The following TRRAP variants were observed in gnomAD, a reference collection of about 807,000 sequenced individuals.
TRRAP encodes transformation/transcription domain-associated protein.
TRRAP carries 41 observed loss-of-function variants against 438.8 expected under a neutral mutation model. The ratio of observed to expected loss-of-function variants is 0.09; its 90% confidence interval spans 0.07 to 0.12. The LOEUF (loss-of-function observed/expected upper bound fraction) is 0.12, where lower values mean the gene tolerates loss of function less well. TRRAP is among the 10% of genes least tolerant of loss of function. TRRAP has a pLI of 1.00. For synonymous variants in TRRAP, 1,994 were observed against 1,962.9 expected, an observed-to-expected ratio of 1.02 and a Z score of -0.42; for missense variants, 3,122 against 5,055.1, an observed-to-expected ratio of 0.62 and a Z score of 11.60.
chr7:99,009,957 G>A (rs1267112519), intron 70 of TRRAP, among the ~76,000 whole-genome samples: 2 of 145,998 alleles, frequency 1.4e-5, no homozygotes, highest in Admixed American at 1.4e-4. Flanking sequence ...GCGCGATCTC[G>A]GCTCACCGCA....
chr7:99,001,391 G>A (rs184293733), intron 67 of TRRAP, among the ~76,000 whole-genome samples: 4 of 152,238 alleles, frequency 2.6e-5, no homozygotes, highest in African/African-American at 9.7e-5. Context: ...GAGAACGGAA[G>A]AGTCCGAGAT....
intron 1 of TRRAP, among the ~76,000 whole-genome samples, chr7:98,880,476 C>T (rs2116217248): frequency 6.6e-6 from 1 of 152,176 alleles, no homozygotes; most frequent in South Asian, 2.1e-4. Flanking sequence ...GTTGGCTACG[C>T]TGGTCTGGAA....
chr7:98,930,507 G>A (rs1790279066), intron 24 of TRRAP, 126 bp from the exon 25 acceptor site: 3 of 1,250,692 alleles, frequency 2.4e-6, no homozygotes, highest in Non-Finnish European at 3.4e-6. Flanking sequence ...GAACCTGGGA[G>A]ATGGAGGTTG....
rs1554405301 is a variant in TRRAP, at chr7:98,893,779, A to T, written c.367-19A>T. 4 of 1,609,288 alleles carry T rather than the reference A, an allele frequency of 2.5e-6. No individual in the cohort carries two copies. In the Admixed American group the frequency reaches 5.0e-5, roughly 20 times the overall value. On this transcript the variant is annotated intron_variant, in intron 5 of 72. Coordinates refer to ENST00000456197, the MANE Select transcript of TRRAP (RefSeq NM_001375524.1). ...GTGAGTCTTCAGAAGTATAACTTTC[A>T]TTAAATGCTTTTTTTTAGACGGAAA...
chr7:98,912,073 A>G lies in TRRAP; in HGVS notation c.2059A>G (p.Thr687Ala). The G allele has an allele frequency of 1.2e-6, 2 of 1,614,140 alleles. No individual in the cohort carries two copies. The highest frequency in any genetic ancestry group is 4.5e-5 in the East Asian group (2 of 44,874). The change falls in exon 18 of 73, where the codon ACG becomes GCG. Residue 687 changes from threonine (T) to alanine (A), a missense_variant. By Grantham distance (58) the Thr-to-Ala change is moderately conservative. Transcript: ENST00000456197. Reference protein sequence around the residue: ...ANPTTSALFATILVEYLLDRL... With the variant: ...ANPTTSALFAAILVEYLLDRL... ...TCCTACTACCTCTGCTCTGTTTGCT[A>G]CGATTCTGGTGGAATATCTCCTTGA...
intron 12 of TRRAP, among the ~76,000 whole-genome samples, chr7:98,904,186 A>G (rs1034447738): frequency 1.2e-4 from 18 of 152,010 alleles, no homozygotes; most frequent in African/African-American, 4.4e-4. Context: ...ATTCTTGTAG[A>G]TCTGCTGACA....
intron 3 of TRRAP, among the ~76,000 whole-genome samples, chr7:98,886,636 A>G (rs1218376610): frequency 1.3e-5 from 2 of 152,204 alleles, no homozygotes; most frequent in Non-Finnish European, 2.9e-5. Context: ...AATTCTTCAA[A>G]GAATTAAATA....
Position 98,931,482 on chromosome 7 carries a change from CGAG to C in TRRAP, c.3673_3675del (p.Glu1225del), listed in dbSNP as rs1554412871. 4 of 1,614,074 alleles carry C rather than the reference CGAG, an allele frequency of 2.5e-6. No homozygotes were observed. Among genetic ancestry groups the C allele is most frequent in the South Asian group, 1.1e-5 (1 of 91,060 alleles). ...TGCGGTGCGCAACGCCTTTAAAAGA[CGAG>C]GAGAGAGCCGAAGAGATCGTGGCCG... On this transcript the variant is annotated inframe_deletion, in exon 26 of 73. Coordinates refer to ENST00000456197, the MANE Select transcript of TRRAP (RefSeq NM_001375524.1).
intron 53 of TRRAP, among the ~76,000 whole-genome samples, chr7:98,972,306 G>C (rs767391304): frequency 6.6e-6 from 1 of 152,218 alleles, no homozygotes; most frequent in Non-Finnish European, 1.5e-5. Context: ...GCCTCCCAAA[G>C]TGCTGGGATT....
At chr7:98,971,592 T>C (rs561101097) in intron 52 of TRRAP, among the ~76,000 whole-genome samples, 3 of 152,332 alleles carry the variant, frequency 2.0e-5, no homozygotes, top group African/African-American at 7.2e-5. Context: ...GGCTTCTTTA[T>C]AGTCATTTTT....
chr7:98,959,434 A>G lies in TRRAP; in HGVS notation c.6433A>G (p.Met2145Val), dbSNP rs767750667. 8 of 1,613,878 alleles carry G rather than the reference A, an allele frequency of 5.0e-6. No individual in the cohort carries two copies. Among genetic ancestry groups the G allele is most frequent in the Non-Finnish European group, 5.9e-6 (7 of 1,179,962 alleles). The change falls in exon 45 of 73, where the codon ATG (methionine) becomes GTG (valine). Residue 2145 changes from methionine (M) to valine (V), a missense_variant. Physicochemically the swap from Met to Val is conservative, Grantham distance 21. Around this residue, in one of 24 missense-constraint regions of TRRAP, gnomAD observed 992 missense variants for 1,281.2 expected, o/e 0.77. Coordinates refer to ENST00000456197, the MANE Select transcript of TRRAP (RefSeq NM_001375524.1). ...TCTGAAGACTGCGTTGCGGCCAGAC[A>G]TGTGGCCCAAGTCCGAACTCAAGCT... ...NLLKTALRPD[M>V]WPKSELKLQW...
chr7:98,915,693 C>T lies in TRRAP; in HGVS notation c.2200-30C>T, dbSNP rs373063337. The T allele has an allele frequency of 9.1e-5, 146 of 1,607,402 alleles. No homozygotes were observed. The African/African-American group carries it at 1.6e-3, about 18-fold the overall frequency. Reference sequence around the variant, plus strand: ...GGTATAGACCCTCCTCATTTAGATGCCACTAATCTGCGTCTTCTCCACCCC... The same window carrying T: ...GGTATAGACCCTCCTCATTTAGATGTCACTAATCTGCGTCTTCTCCACCCC... On this transcript the variant is annotated intron_variant, in intron 18 of 72. Coordinates refer to ENST00000456197, the MANE Select transcript of TRRAP (RefSeq NM_001375524.1).
intron 11 of TRRAP, among the ~76,000 whole-genome samples, chr7:98,901,012 C>G (rs545237793): frequency 6.6e-6 from 1 of 152,324 alleles, no homozygotes; most frequent in African/African-American, 2.4e-5. Context: ...GTCTCTGCAA[C>G]CTTTTGAGTC....
Position 98,948,260 on chromosome 7 carries a change from C to G in TRRAP, c.4588C>G (p.Leu1530Val), listed in dbSNP as rs1554417346. ...CTCAGCAATTATAAACCTTTTTCAT[C>G]TGATCCCGGCTGCTCCTCAGACACT... ...ICSAIINLFH[L>V]IPAAPQTLVK... Residue 1530 changes from leucine to valine, a missense_variant, in exon 34 of 73, where the codon CTG becomes GTG. Coordinates refer to ENST00000456197, the MANE Select transcript of TRRAP (RefSeq NM_001375524.1). This position sits in a 1 kb window ranked among gnomAD's most constrained non-coding sequence, Gnocchi z 4.9. The G allele has an allele frequency of 1.2e-6, 2 of 1,614,096 alleles. No individual in the cohort carries two copies. The highest frequency in any genetic ancestry group is 2.2e-5 in the East Asian group (1 of 44,894).
chr7:99,012,684 G>A lies in TRRAP; in HGVS notation c.*329G>A, dbSNP rs1004561915. ...TTTATGGTGTCCTCCCTCTGTGAAT[G>A]TACAGGCGGAACTGTACGAACAGCT... On this transcript the variant is annotated 3_prime_UTR_variant, in exon 73 of 73. Transcript: ENST00000456197. This position sits in a 1 kb window ranked among gnomAD's most constrained non-coding sequence, Gnocchi z 5.9. 1.4e-5 allele frequency: 5 copies of A among 364,796 alleles called. No homozygotes were observed. The highest frequency in any genetic ancestry group is 1.0e-4 in the African/African-American group (5 of 48,220). The allele number at this position is 364,796 out of a possible 1,614,324, so 22.6% of individuals were successfully genotyped here.
Position 98,983,555 on chromosome 7 carries a change from G to GT in TRRAP, c.9022+105dup, listed in dbSNP as rs141817337. 1,915 of 1,396,988 alleles carry GT rather than the reference G, an allele frequency of 1.4e-3. 2 individuals carry two copies. Among genetic ancestry groups the GT allele is most frequent in the East Asian group, 6.5e-3 (258 of 39,902 alleles). The allele number at this position is 1,396,988 out of a possible 1,614,324, so 86.5% of individuals were successfully genotyped here. On this transcript the variant is annotated intron_variant, in intron 60 of 72. Transcript: ENST00000456197. ...CTGTGTTTTGGTTTGGTTTGGTTTG[G>GT]TTTTTTTTTCCCCCAGGTTTTCTAT... is the stretch of plus-strand genomic sequence containing the variant.
At chr7:98,995,277 G>C (rs1793600918) in intron 67 of TRRAP, among the ~76,000 whole-genome samples, 1 of 150,762 alleles carries the variant, frequency 6.6e-6, no homozygotes, top group Non-Finnish European at 1.5e-5. Context: ...CACCAGGTGG[G>C]ATGGTGGGAG....
At chr7:98,964,536 C>A in intron 47 of TRRAP, 93 bp from the exon 48 acceptor site, 1 of 1,449,052 alleles carries the variant, frequency 6.9e-7, no homozygotes, top group Non-Finnish European at 9.4e-7. Context: ...ATGCTTTTGT[C>A]AGAATACATT....
At chr7:98,900,540 G>A (rs1796426923) in intron 10 of TRRAP, 84 bp from the exon 11 acceptor site, 1 of 1,144,904 alleles carries the variant, frequency 8.7e-7, no homozygotes, top group Non-Finnish European at 1.2e-6. Flanking sequence ...CAATCTTTTG[G>A]GTTTAGTAAT....
Sources: allele counts gnomAD v4.1 joint callset (sites outside exome capture counted in the v4.1 genomes callset), GRCh38; gene constraint gnomAD v4.1.1; regional missense constraint gnomAD v4.1.1; non-coding constraint Gnocchi (gnomAD v3.1); transcripts MANE v1.5; gene names NCBI Gene and HGNC (gene_info 2026-07-23, HGNC 2026-07-21).